The following LHPP variants were observed in gnomAD, a reference collection of about 807,000 sequenced individuals.
LHPP encodes the protein phospholysine phosphohistidine inorganic pyrophosphate phosphatase.
In LHPP, 24 loss-of-function variants were observed where a neutral mutation model predicts 30.3. The ratio of observed to expected loss-of-function variants is 0.79; its 90% CI spans 0.57 to 1.11. The LOEUF (loss-of-function observed/expected upper bound fraction) is 1.11. Among genes scored for constraint, LHPP ranks in the 50% most tolerant of loss-of-function variants. The pLI is 0.00. For missense variants in LHPP, 356 were observed against 367.2 expected (o/e 0.97, Z 0.25); for synonymous variants, 150 against 157.1 (o/e 0.95, Z 0.34).
intron 6 of LHPP, among the ~76,000 whole-genome samples, chr10:124,585,281 TGC>T (rs1948790165): frequency 6.6e-6 from 1 of 152,232 alleles, no homozygotes; most frequent in South Asian, 2.1e-4. Context: ...TAAATGGGAC[TGC>T]ATTCCTGTTA....
At chr10:124,597,865 G>A (rs967459640) in intron 6 of LHPP, among the ~76,000 whole-genome samples, 1 of 152,230 alleles carries the variant, frequency 6.6e-6, no homozygotes, top group Admixed American at 6.5e-5. Context: ...GGTGCTTAAC[G>A]TGTTTTTATC....
intron 6 of LHPP, among the ~76,000 whole-genome samples, chr10:124,563,589 T>C (rs1948439343): frequency 6.6e-6 from 1 of 152,204 alleles, no homozygotes; most frequent in Admixed American, 6.5e-5. Flanking sequence ...TTTATTTCAC[T>C]GTATCAATGT....
chr10:124,462,135 G>C (rs953201739), intron 1 of LHPP, 148 bp downstream of exon 1: 2 of 768,342 alleles, frequency 2.6e-6, no homozygotes, highest in Non-Finnish European at 3.4e-6. Flanking sequence ...TGCGCGCACA[G>C]TGCTGACCAC....
Position 124,517,562 on chromosome 10 carries a change from G to T in LHPP, c.716+291G>T, listed in dbSNP as rs1954491648. 6.6e-6 allele frequency among the ~76,000 whole-genome samples: 1 copy of T among 152,176 alleles called. No individual in the cohort carries two copies. The highest frequency in any genetic ancestry group is 2.4e-5 in the African/African-American group (1 of 41,454). Reference sequence around the variant, plus strand: ...TCCATCCTGGCGGCGGCCCACCAGGGAGTTGGGCCGAATTTGTGCTGCTGT... The same window carrying T: ...TCCATCCTGGCGGCGGCCCACCAGGTAGTTGGGCCGAATTTGTGCTGCTGT... On this transcript the variant is annotated intron_variant, in intron 6 of 6. Transcript: ENST00000368842. This position sits in a 1 kb window ranked among gnomAD's most constrained non-coding sequence, Gnocchi z 4.1.
chr10:124,462,117 C>A, intron 1 of LHPP, 130 bp downstream of exon 1: 1 of 847,054 alleles, frequency 1.2e-6, no homozygotes, highest in Non-Finnish European at 1.5e-6. Context: ...TCCCCCTTCC[C>A]ACCCCGGTGC....
At chr10:124,468,471 T>C (rs1238043930) in intron 1 of LHPP, among the ~76,000 whole-genome samples, 2 of 152,200 alleles carry the variant, frequency 1.3e-5, no homozygotes, top group Non-Finnish European at 2.9e-5. Flanking sequence ...GGTTTTGTTA[T>C]TGTGCTGTCT....
intron 6 of LHPP, among the ~76,000 whole-genome samples, chr10:124,573,930 T>C (rs928964036): frequency 3.3e-5 from 5 of 151,944 alleles, no homozygotes; most frequent in African/African-American, 9.7e-5. Context: ...TCCGAGTTTA[T>C]GTCTGAGACC....
intron 6 of LHPP, among the ~76,000 whole-genome samples, chr10:124,589,635 TTC>T (rs1948851396): frequency 6.6e-6 from 1 of 152,220 alleles, no homozygotes; most frequent in Non-Finnish European, 1.5e-5. Flanking sequence ...GGCCCCAGCT[TTC>T]ATCACCCATC....
At chr10:124,467,111 G>A (rs1218732690) in intron 1 of LHPP, among the ~76,000 whole-genome samples, 2 of 133,630 alleles carry the variant, frequency 1.5e-5, no homozygotes, top group East Asian at 3.4e-4. Context: ...GTGACAGAGT[G>A]AGACTCTAAA....
rs574671495 is a variant in LHPP, at chr10:124,518,165, G to A, written c.716+894G>A. On this transcript the variant is annotated intron_variant, in intron 6 of 6. Transcript: ENST00000368842. ...GCGAGGTGAGTGAGGAAGGCTCAGC[G>A]CACCTGGGTCCAGGGTCAGGAAGTT... is the stretch of plus-strand genomic sequence containing the variant. 2.6e-5 allele frequency among the ~76,000 whole-genome samples: 4 copies of A among 152,338 alleles called. No homozygotes were observed. The East Asian group carries it at 5.8e-4, about 22-fold the overall frequency.
intron 6 of LHPP, among the ~76,000 whole-genome samples, chr10:124,575,403 C>T (rs887436717): frequency 6.6e-5 from 10 of 152,192 alleles, no homozygotes; most frequent in African/African-American, 2.2e-4. Flanking sequence ...GTACAGTTCA[C>T]TCCCTAATAC....
rs562383467 is a variant in LHPP, at chr10:124,529,443, G to T, written c.716+12172G>T. Among the ~76,000 whole-genome samples, 3 of 152,196 alleles carry T rather than the reference G, an allele frequency of 2.0e-5. No individual in the cohort carries two copies. The South Asian group carries it at 6.2e-4, about 32-fold the overall frequency. On this transcript the variant is annotated intron_variant, in intron 6 of 6. Transcript: ENST00000368842. ...TGACCAGGGCTCCCCCTTCTCATGG[G>T]TGAGTGAAAGTTGCTGAAAATAGGC...
rs565310264 is a variant in LHPP at position 124,497,868 on chromosome 10, C to T, written c.532-168C>T. 3.3e-5 allele frequency among the ~76,000 whole-genome samples: 5 copies of T among 152,286 alleles called. No homozygotes were observed. The South Asian group carries it at 8.3e-4, about 25-fold the overall frequency. On this transcript the variant is annotated intron_variant, in intron 4 of 6. Transcript: ENST00000368842. ...ACCTGAGTGACCCGGGCAGCCCTTT[C>T]TGGAGTTGTGAGGCTCCTGCCTGTG...
intron 6 of LHPP, among the ~76,000 whole-genome samples, chr10:124,586,140 G>C (rs887850448): frequency 6.6e-6 from 1 of 152,194 alleles, no homozygotes; most frequent in African/African-American, 2.4e-5. Flanking sequence ...GCTGGTTCAA[G>C]GCTAACATGC....
At chr10:124,600,437 T>G (rs1294078583) in intron 6 of LHPP, among the ~76,000 whole-genome samples, 3 of 152,226 alleles carry the variant, frequency 2.0e-5, no homozygotes, top group Admixed American at 1.3e-4. Context: ...TGGCTCGATC[T>G]GGGTGTTGGC....
In LHPP at chr10:124,524,424, G is replaced by A. The variant is rs377150384; in HGVS notation, c.716+7153G>A. On this transcript the variant is annotated intron_variant, in intron 6 of 6. Coordinates refer to ENST00000368842, the MANE Select transcript of LHPP (RefSeq NM_022126.4). ...CCCAAGTAGCTGGGATTATAGCCAC[G>A]CACCACCATGCCCAACTAATTTATG... 2.0e-3 allele frequency among the ~76,000 whole-genome samples: 307 copies of A among 151,670 alleles called. 4 individuals carry two copies. Among genetic ancestry groups the A allele is most frequent in the African/African-American group, 6.7e-3 (278 of 41,320 alleles).
chr10:124,546,592 A>G (rs1455973909), intron 6 of LHPP, among the ~76,000 whole-genome samples: 1 of 151,978 alleles, frequency 6.6e-6, no homozygotes, highest in African/African-American at 2.4e-5. Flanking sequence ...TTGTATTTTT[A>G]GTAGAGATGG....
intron 6 of LHPP, among the ~76,000 whole-genome samples, chr10:124,594,452 G>T (rs765400195): frequency 3.3e-5 from 5 of 151,708 alleles, no homozygotes; most frequent in Non-Finnish European, 7.4e-5. Flanking sequence ...CTGTAGCTGT[G>T]GGCACGTGCA....
intron 6 of LHPP, among the ~76,000 whole-genome samples, chr10:124,564,465 G>T (rs1948458139): frequency 6.6e-6 from 1 of 150,770 alleles, no homozygotes; most frequent in African/African-American, 2.4e-5. Context: ...TGGTGCCCAG[G>T]CTGGTCTTGA....
Sources: allele counts gnomAD v4.1 joint callset (sites outside exome capture counted in the v4.1 genomes callset), GRCh38; gene constraint gnomAD v4.1.1; non-coding constraint Gnocchi (gnomAD v3.1); transcripts MANE v1.5; gene names NCBI Gene and HGNC (gene_info 2026-07-23, HGNC 2026-07-21).